Variants in LRP4 observed in about 807,000 individuals in gnomAD.
LRP4 encodes low-density lipoprotein receptor-related protein 4.
LRP4 carries 95 observed loss-of-function variants against 220.3 expected under a neutral mutation model. The ratio of observed to expected loss-of-function variants is 0.43; its 90% CI spans 0.37 to 0.51. The LOEUF (loss-of-function observed/expected upper bound fraction) is 0.51. LRP4 is among the 20% of genes least tolerant of loss of function. The pLI, the probability that LRP4 is intolerant of heterozygous loss-of-function variation, is 0.00. For synonymous variants in LRP4, 903 were observed against 954.6 expected (o/e 0.95, Z 1.00); for missense variants, 1,925 against 2,567.0 (o/e 0.75, Z 5.40).
chr11:46,860,970 A>G (rs1940529483), intron 37 of LRP4: 1 of 985,168 alleles, frequency 1.0e-6, no homozygotes, highest in Non-Finnish European at 1.2e-6. Context: ...GTGAAAGACT[A>G]TCAGAGGGGT....
intron 18 of LRP4, among the ~76,000 whole-genome samples, chr11:46,885,623 T>A (rs931448527): frequency 6.6e-6 from 1 of 151,930 alleles, no homozygotes; most frequent in East Asian, 1.9e-4. Flanking sequence ...ATACAAAAAC[T>A]TAGCCGGGCA....
At chr11:46,885,254 C>T (rs1037240018) in intron 18 of LRP4, among the ~76,000 whole-genome samples, 1 of 152,178 alleles carries the variant, frequency 6.6e-6, no homozygotes. Context: ...GCCCTGGTCC[C>T]CCAAAGCGCT....
chr11:46,883,608 T>G (rs1218455607), intron 19 of LRP4, among the ~76,000 whole-genome samples: 1 of 152,242 alleles, frequency 6.6e-6, no homozygotes, highest in Non-Finnish European at 1.5e-5. Context: ...GGGCTCTCAG[T>G]TCTGAAGGCT....
intron 19 of LRP4, 100 bp downstream of exon 19, chr11:46,883,770 TC>T: frequency 1.1e-6 from 1 of 904,016 alleles, no homozygotes; most frequent in Non-Finnish European, 1.8e-6. Flanking sequence ...CTTGGGCATA[TC>T]CATAAGATCT....
Position 46,868,599 on chromosome 11 carries a change from C to T in LRP4, c.4951+1G>A. ...GGCTCCAGCCATACAGTCCAACTCACCAAGGGAGCAGGGCCGGCTATCAGG... is the reference window on the plus strand; with the variant it reads ...GGCTCCAGCCATACAGTCCAACTCATCAAGGGAGCAGGGCCGGCTATCAGG... On this transcript the variant is annotated splice_donor_variant, in intron 33 of 37. Transcript: ENST00000378623. LOFTEE classifies it high-confidence loss of function. The T allele has an allele frequency of 6.2e-7, 1 of 1,611,654 alleles. No homozygotes were observed. Among genetic ancestry groups the T allele is most frequent in the Non-Finnish European group, 8.5e-7 (1 of 1,177,736 alleles).
chr11:46,858,560 A>G lies in LRP4; in HGVS notation c.*423T>C, dbSNP rs1194298124. 1 of 290,360 alleles carries G rather than the reference A, an allele frequency of 3.4e-6. No individual in the cohort carries two copies. The highest frequency in any genetic ancestry group is 6.8e-6 in the Non-Finnish European group (1 of 147,052). 18.0% of individuals were successfully genotyped at this position (290,360 alleles called of 1,614,324 possible). A position where few individuals can be genotyped will look rare whatever the true frequency, so the allele number is the denominator to read the frequency against. On this transcript the variant is annotated 3_prime_UTR_variant, in exon 38 of 38. Coordinates refer to ENST00000378623, the MANE Select transcript of LRP4 (RefSeq NM_002334.4). The stretch of plus-strand genomic sequence containing the variant: ...CCACACCCCCATGTCCCAGCCCCTG[A>G]TGGGCAAGTTCTCTCAGAGAAGCAG...
rs1467057097 is a variant in LRP4, at chr11:46,858,825, C to T, written c.*158G>A. On this transcript the variant is annotated 3_prime_UTR_variant, in exon 38 of 38. Coordinates refer to ENST00000378623, the MANE Select transcript of LRP4 (RefSeq NM_002334.4). ...TTGTGCACAGGTAGTTATGGACTCACGTGGTAAACAGCTCCGGTGAAGGCT... is the reference window on the plus strand; with the variant it reads ...TTGTGCACAGGTAGTTATGGACTCATGTGGTAAACAGCTCCGGTGAAGGCT... 8.3e-6 allele frequency: 6 copies of T among 721,478 alleles called. No individual in the cohort carries two copies. The highest frequency in any genetic ancestry group is 3.0e-5 in the South Asian group (2 of 66,696). 44.7% of individuals were successfully genotyped at this position (721,478 alleles called of 1,614,324 possible). A position where few individuals can be genotyped will look rare whatever the true frequency, so the allele number is the denominator to read the frequency against.
Position 46,879,194 on chromosome 11 carries a change from C to T in LRP4, c.2936G>A (p.Arg979Gln), listed in dbSNP as rs754372042. ...QSADRLTGLDRETLQENLENL... is the reference protein window; with the variant it reads ...QSADRLTGLDQETLQENLENL... ...TTCCAGGTTCTCCTGCAGAGTCTCC[C>T]GGTCCAGCCCTGTCAGCCGGTCAGC... The change falls in exon 21 of 38, where the codon CGG (arginine) becomes CAG (glutamine). Residue 979 changes from arginine (R) to glutamine (Q), a missense_variant. This residue lies in a region of LRP4 where 1,244 missense variants were observed against 1,624.9 expected (regional missense o/e 0.77). Transcript: ENST00000378623. 22 of 1,614,112 alleles carry T rather than the reference C, an allele frequency of 1.4e-5. No homozygotes were observed. Among genetic ancestry groups the T allele is most frequent in the South Asian group, 4.4e-5 (4 of 91,080 alleles).
chr11:46,909,987 A>T (rs1308180720), intron 1 of LRP4, among the ~76,000 whole-genome samples: 1 of 152,060 alleles, frequency 6.6e-6, no homozygotes, highest in Admixed American at 6.6e-5. Flanking sequence ...GTTTCTACTT[A>T]TTTCTGTCCC....
chr11:46,915,547 C>T (rs1269725061), intron 1 of LRP4, among the ~76,000 whole-genome samples: 1 of 152,118 alleles, frequency 6.6e-6, no homozygotes, highest in African/African-American at 2.4e-5. Flanking sequence ...GCACCTTAAA[C>T]TTTATTTATT....
Position 46,896,194 on chromosome 11 carries a change from C to A in LRP4, c.1048+16G>T. ...CCACAAACCATGGGCCAGGTCCGCC[C>A]ACTGGGGACACTCACGGCAATTCTG... On this transcript the variant is annotated intron_variant, in intron 9 of 37. Coordinates refer to ENST00000378623, the MANE Select transcript of LRP4 (RefSeq NM_002334.4). The A allele has an allele frequency of 6.2e-7, 1 of 1,613,482 alleles. No homozygotes were observed. Among genetic ancestry groups the A allele is most frequent in the Non-Finnish European group, 8.5e-7 (1 of 1,179,968 alleles).
intron 28 of LRP4, 52 bp downstream of exon 28, chr11:46,874,748 G>A: frequency 6.4e-7 from 1 of 1,558,554 alleles, no homozygotes; most frequent in Non-Finnish European, 8.8e-7. Context: ...CCTCACCCAT[G>A]GGCGACCAGA....
chr11:46,898,779 AAGAGGGACC>A, intron 6 of LRP4, 102 bp from the exon 7 acceptor site: 1 of 1,603,872 alleles, frequency 6.2e-7, no homozygotes, highest in Non-Finnish European at 8.5e-7. Flanking sequence ...ATCTCTTCCC[AAGAGGGACC>A]AGAAAATCCA....
At chr11:46,868,171 C>G in intron 33 of LRP4, 57 bp from the exon 34 acceptor site, 1 of 1,607,516 alleles carries the variant, frequency 6.2e-7, no homozygotes, top group Non-Finnish European at 8.5e-7. Context: ...CTACATATGG[C>G]CCAAGAGTAG....
In LRP4 at chr11:46,881,058, CAAAAAAAAAA is replaced by C. The variant is rs60125188; in HGVS notation, c.2814+634_2814+643del. On this transcript the variant is annotated intron_variant, in intron 20 of 37. Transcript: ENST00000378623. The stretch of plus-strand genomic sequence containing the variant: ...CAGCATGACCCTGCCTCTAAAAAAC[CAAAAAAAAAA>C]AAAAAAAAAAAAAAAAAGACAGTAA... Among the ~76,000 whole-genome samples, 23 of 56,112 alleles carry C rather than the reference CAAAAAAAAAA, an allele frequency of 4.1e-4. No homozygotes were observed. The East Asian group carries it at 0.011, about 28-fold the overall frequency. 36.8% of individuals were successfully genotyped at this position (56,112 alleles called of 152,430 possible). A position where few individuals can be genotyped will look rare whatever the true frequency, so the allele number is the denominator to read the frequency against.
At chr11:46,859,547 T>C (rs970925834) in intron 37 of LRP4, among the ~76,000 whole-genome samples, 1 of 152,114 alleles carries the variant, frequency 6.6e-6, no homozygotes, top group African/African-American at 2.4e-5. Flanking sequence ...AACCATGGCT[T>C]CCGGTCCTGC....
At chr11:46,911,874 G>A (rs1345532085) in intron 1 of LRP4, among the ~76,000 whole-genome samples, 3 of 131,528 alleles carry the variant, frequency 2.3e-5, no homozygotes, top group African/African-American at 8.3e-5. Flanking sequence ...ACGGAGTCTC[G>A]CTCTGTCGCT....
At position 46,862,752 on chromosome 11, in the gene LRP4, A is replaced by T; in HGVS notation, c.5244-5T>A. The T allele has an allele frequency of 1.2e-6, 2 of 1,613,634 alleles. No individual in the cohort carries two copies. The highest frequency in any genetic ancestry group is 1.7e-6 in the Non-Finnish European group (2 of 1,179,848). On this transcript the variant is annotated splice_region_variant and splice_polypyrimidine_tract_variant and intron_variant, in intron 36 of 37. Coordinates refer to ENST00000378623, the MANE Select transcript of LRP4 (RefSeq NM_002334.4). ...GTGAACTTGGATTTTTTGTGTCTTT[A>T]GGAGGGAAGGTGATGAGAAATTAGT...
chr11:46,865,005 G>C (rs1940656729), intron 35 of LRP4, 114 bp downstream of exon 35: 5 of 893,370 alleles, frequency 5.6e-6, no homozygotes, highest in African/African-American at 5.0e-5. Flanking sequence ...TATGGACTTA[G>C]TTTAAAAAGA....
Sources: allele counts gnomAD v4.1 joint callset (sites outside exome capture counted in the v4.1 genomes callset), GRCh38; gene constraint gnomAD v4.1.1; regional missense constraint gnomAD v4.1.1; transcripts MANE v1.5; gene names NCBI Gene and HGNC (gene_info 2026-07-23, HGNC 2026-07-21).